RELN: variants seen among roughly 807,000 people sequenced by gnomAD.
RELN encodes reelin.
In RELN, 108 loss-of-function variants were observed where a neutral mutation model predicts 427.6. That is an observed-to-expected ratio of 0.25 (90% confidence interval 0.22 to 0.30). RELN has a LOEUF of 0.30. Among genes scored for constraint, RELN ranks in the 10% least tolerant of loss-of-function variants. RELN has a pLI of 1.00. For synonymous variants in RELN, 1,524 were observed against 1,513.4 expected (o/e 1.01, Z -0.16); for missense variants, 3,715 against 4,302.8 (o/e 0.86, Z 3.82).
Position 103,603,225 on chromosome 7 carries a change from A to G in RELN, c.3333+79T>C. On this transcript the variant is annotated intron_variant, in intron 24 of 64. Coordinates refer to ENST00000428762, the MANE Select transcript of RELN (RefSeq NM_005045.4). This position sits in a 1 kb window ranked among gnomAD's most constrained non-coding sequence, Gnocchi z 4.3. ...ACGTGGGGAACAATAGAACCACTTCATATTTGTACATTTGGAATTCAGAGT... is the reference window on the plus strand; with the variant it reads ...ACGTGGGGAACAATAGAACCACTTCGTATTTGTACATTTGGAATTCAGAGT... The G allele has an allele frequency of 1.7e-6, 2 of 1,181,712 alleles. No individual in the cohort carries two copies. The highest frequency in any genetic ancestry group is 2.5e-6 in the Non-Finnish European group (2 of 786,826). The allele number at this position is 1,181,712 out of a possible 1,614,324, so 73.2% of individuals were successfully genotyped here.
intron 36 of RELN, among the ~76,000 whole-genome samples, chr7:103,560,928 C>T (rs1240197344): frequency 5.3e-5 from 8 of 152,126 alleles, no homozygotes; most frequent in Admixed American, 5.2e-4. Flanking sequence ...CATTTGCACA[C>T]CTAGGTTAGT....
chr7:103,758,136 G>A (rs547587090), intron 4 of RELN, among the ~76,000 whole-genome samples: 1 of 152,218 alleles, frequency 6.6e-6, no homozygotes, highest in African/African-American at 2.4e-5. Flanking sequence ...ATCTCATTCA[G>A]AATAACCATA....
chr7:103,781,800 T>C (rs1791897090), intron 3 of RELN, among the ~76,000 whole-genome samples: 1 of 152,120 alleles, frequency 6.6e-6, no homozygotes, highest in Non-Finnish European at 1.5e-5. Context: ...TTATGGTACA[T>C]GGTGACAAGC....
intron 46 of RELN, among the ~76,000 whole-genome samples, chr7:103,533,771 A>ATC (rs1829991583): frequency 6.6e-6 from 1 of 152,202 alleles, no homozygotes; most frequent in South Asian, 2.1e-4. Flanking sequence ...TTCTTGAGTA[A>ATC]AAGACTCAAG....
intron 46 of RELN, among the ~76,000 whole-genome samples, chr7:103,530,275 A>G (rs974783276): frequency 5.9e-5 from 9 of 152,062 alleles, no homozygotes; most frequent in African/African-American, 9.7e-5. Context: ...TCTTCTCACT[A>G]TTTTACTAGG....
chr7:103,773,015 C>T (rs1005759375), intron 4 of RELN, among the ~76,000 whole-genome samples: 2 of 152,082 alleles, frequency 1.3e-5, no homozygotes, highest in Admixed American at 6.5e-5. Context: ...GGAGGATATT[C>T]GGCAGTTCCC....
At position 103,620,490 on chromosome 7, in the gene RELN, TTG is replaced by T. The variant is rs1832192588; in HGVS notation, c.2703-8689_2703-8688del. Reference sequence around the variant, plus strand: ...CCCGATCCACATTTTTTTTTTTTTTTTGAGATAGAGTCTCGTCTGTCGCCCAG... The same window carrying T: ...CCCGATCCACATTTTTTTTTTTTTTTAGATAGAGTCTCGTCTGTCGCCCAG... On this transcript the variant is annotated intron_variant, in intron 20 of 64. Transcript: ENST00000428762. The surrounding 1 kb of genome is among the most constrained non-coding windows in gnomAD (Gnocchi z 4.1). 6.6e-6 allele frequency among the ~76,000 whole-genome samples: 1 copy of T among 151,354 alleles called. No individual in the cohort carries two copies. The highest frequency in any genetic ancestry group is 1.5e-5 in the Non-Finnish European group (1 of 67,896).
chr7:103,732,341 C>G (rs1299476510), intron 6 of RELN, among the ~76,000 whole-genome samples: 1 of 152,042 alleles, frequency 6.6e-6, no homozygotes, highest in Non-Finnish European at 1.5e-5. Context: ...TGTATCAATC[C>G]AAGTGTATCT....
chr7:103,497,480 TA>T (rs1424174189), intron 55 of RELN, among the ~76,000 whole-genome samples: 2 of 152,244 alleles, frequency 1.3e-5, no homozygotes, highest in African/African-American at 4.8e-5. Flanking sequence ...CATAAGCTGT[TA>T]AAAATGCTTT....
chr7:103,589,581 G>A lies in RELN; in HGVS notation c.4145+15C>T. 1 of 1,557,774 alleles carries A rather than the reference G, an allele frequency of 6.4e-7. No individual in the cohort carries two copies. The highest frequency in any genetic ancestry group is 8.9e-7 in the Non-Finnish European group (1 of 1,128,644). Reference sequence around the variant, plus strand: ...TTTCTTAATGGCCCAAACCCATTAAGAATGATTACTTTACCTGGATGCAAG... The same window carrying A: ...TTTCTTAATGGCCCAAACCCATTAAAAATGATTACTTTACCTGGATGCAAG... On this transcript the variant is annotated intron_variant, in intron 28 of 64. Coordinates refer to ENST00000428762, the MANE Select transcript of RELN (RefSeq NM_005045.4).
intron 51 of RELN, among the ~76,000 whole-genome samples, 174 bp downstream of exon 51, chr7:103,510,677 A>G: frequency 6.6e-6 from 1 of 152,204 alleles, no homozygotes; most frequent in East Asian, 1.9e-4. Flanking sequence ...TCAGAAATAA[A>G]ATACTTTTAA....
At chr7:103,517,862 T>C (rs1281416450) in intron 49 of RELN, among the ~76,000 whole-genome samples, 1 of 152,230 alleles carries the variant, frequency 6.6e-6, no homozygotes, top group Non-Finnish European at 1.5e-5. Flanking sequence ...AAAGACAGCA[T>C]GTCCAGCCTT....
chr7:103,793,232 T>G (rs1563016777), intron 3 of RELN, among the ~76,000 whole-genome samples: 1 of 152,244 alleles, frequency 6.6e-6, no homozygotes, highest in Non-Finnish European at 1.5e-5. Flanking sequence ...AAATTATTGA[T>G]GTAATGATTA....
intron 63 of RELN, chr7:103,482,115 T>A (rs958318731): frequency 2.6e-5 from 4 of 152,150 alleles, no homozygotes; most frequent in African/African-American, 9.7e-5. Flanking sequence ...GCTTGCAAAT[T>A]GACTGAAATC....
intron 4 of RELN, among the ~76,000 whole-genome samples, chr7:103,766,877 A>G (rs969252442): frequency 1.5e-4 from 23 of 152,222 alleles, no homozygotes; most frequent in African/African-American, 5.3e-4. Context: ...TCCTCCTGAC[A>G]TAAAACGTTT....
chr7:103,535,461 C>T lies in RELN; in HGVS notation c.7204G>A (p.Asp2402Asn), dbSNP rs1242226367. The change falls in exon 46 of 65, where the codon GAT becomes AAT. Residue 2402 changes from aspartate to asparagine, a missense_variant. Physicochemically the swap from Asp to Asn is conservative, Grantham distance 23. Coordinates refer to ENST00000428762, the MANE Select transcript of RELN (RefSeq NM_005045.4). Reference sequence around the variant, plus strand: ...AATGGGTGCCATGACAATCCAAGATCTACTGAGTATTCCAATTCAATCGCT... The same window carrying T: ...AATGGGTGCCATGACAATCCAAGATTTACTGAGTATTCCAATTCAATCGCT... ...CYAIELEYSV[D>N]LGLSWHPLVR... 6.2e-7 allele frequency: 1 copy of T among 1,614,016 alleles called. No homozygotes were observed. The highest frequency in any genetic ancestry group is 1.1e-5 in the South Asian group (1 of 91,072).
intron 2 of RELN, among the ~76,000 whole-genome samples, chr7:103,880,494 G>A (rs2116558008): frequency 6.6e-6 from 1 of 152,168 alleles, no homozygotes; most frequent in African/African-American, 2.4e-5. Flanking sequence ...AAATTCAGTG[G>A]AAGAGTCCCT....
chr7:103,809,961 G>A (rs1198421640), intron 3 of RELN, among the ~76,000 whole-genome samples: 1 of 152,124 alleles, frequency 6.6e-6, no homozygotes, highest in Non-Finnish European at 1.5e-5. Flanking sequence ...TAAAACTCAA[G>A]TTTTCTCTTG....
At chr7:103,596,409 T>A (rs745401849) in intron 25 of RELN, 47 bp downstream of exon 25, 16 of 1,495,874 alleles carry the variant, frequency 1.1e-5, no homozygotes, top group African/African-American at 2.8e-5. Flanking sequence ...GATTTAACCT[T>A]TACCATTCCT....
Sources: allele counts gnomAD v4.1 joint callset (sites outside exome capture counted in the v4.1 genomes callset), GRCh38; gene constraint gnomAD v4.1.1; non-coding constraint Gnocchi (gnomAD v3.1); transcripts MANE v1.5; gene names NCBI Gene and HGNC (gene_info 2026-07-23, HGNC 2026-07-21).